Variants in TCF7L2 observed in about 807,000 individuals in gnomAD.
TCF7L2 encodes transcription factor 7-like 2.
TCF7L2 carries 23 observed loss-of-function variants against 77.9 expected under a neutral mutation model. That is an observed-to-expected ratio of 0.30 (90% confidence interval 0.21 to 0.42). TCF7L2 has a LOEUF of 0.42. TCF7L2 is among the 10% of genes least tolerant of loss of function. The probability of loss-of-function intolerance (pLI) is 1.00; values close to 1 mark genes in which losing one functional copy is unlikely to be tolerated. For missense variants in TCF7L2, 654 were observed against 793.1 expected, an observed-to-expected ratio of 0.82 and a Z score of 2.11; for synonymous variants, 413 against 340.2, an observed-to-expected ratio of 1.21 and a Z score of -2.36.
chr10:113,103,362 T>TTTTTG (rs534209551), intron 5 of TCF7L2, among the ~76,000 whole-genome samples: 167 of 152,340 alleles, frequency 1.1e-3, no homozygotes, highest in Admixed American at 3.1e-3. Context: ...GCAACATAGA[T>TTTTTG]TTTTGTTTTG....
Position 113,106,334 on chromosome 10 carries a change from T to A in TCF7L2, c.553-34850T>A, listed in dbSNP as rs546954912. On this transcript the variant is annotated intron_variant, in intron 5 of 13. Transcript: ENST00000627217. ...AGAAGACTGCTGTAAGATCAAGCAA[T>A]CGTGTGTAGCCAGACAGTGGGAGAA... Among the ~76,000 whole-genome samples the A allele has an allele frequency of 5.3e-4, 81 of 152,302 alleles. 1 individual carries two copies. In the Middle Eastern group the frequency reaches 0.01, roughly 19 times the overall value.
At chr10:113,110,957 T>A (rs952722953) in intron 5 of TCF7L2, among the ~76,000 whole-genome samples, 22 of 152,088 alleles carry the variant, frequency 1.4e-4, no homozygotes, top group African/African-American at 4.8e-4. Context: ...ATTCCCCAAG[T>A]CTGTAATGTT....
intron 5 of TCF7L2, among the ~76,000 whole-genome samples, chr10:113,054,693 A>G (rs116308701): frequency 0.012 from 1,835 of 152,292 alleles, 36 homozygotes; most frequent in African/African-American, 0.042. Context: ...CTTCCCTCCC[A>G]GGCTGTTATT....
intron 3 of TCF7L2, among the ~76,000 whole-genome samples, chr10:112,959,084 A>G (rs1439682882): frequency 2.6e-5 from 4 of 152,120 alleles, no homozygotes; most frequent in Admixed American, 6.5e-5. Flanking sequence ...AGCTTTAATT[A>G]TGTTTTGACG....
chr10:113,143,913 C>T lies in TCF7L2; in HGVS notation c.686-10C>T, dbSNP rs2136928084. Reference sequence around the variant, plus strand: ...CTCCTTTGTACCTAAAATGCTGCTTCTTCCCTCAGGAATCCCACGGCCTCC... The same window carrying T: ...CTCCTTTGTACCTAAAATGCTGCTTTTTCCCTCAGGAATCCCACGGCCTCC... On this transcript the variant is annotated splice_polypyrimidine_tract_variant and intron_variant, in intron 6 of 13. Coordinates refer to ENST00000627217, the MANE Select transcript of TCF7L2 (RefSeq NM_001146274.2). The T allele has an allele frequency of 6.2e-7, 1 of 1,610,528 alleles. No homozygotes were observed.
At chr10:112,958,870 T>C (rs1380948072) in intron 3 of TCF7L2, among the ~76,000 whole-genome samples, 1 of 152,176 alleles carries the variant, frequency 6.6e-6, no homozygotes, top group African/African-American at 2.4e-5. Context: ...TAATTCGTTA[T>C]GAGTTGCAGC....
intron 5 of TCF7L2, among the ~76,000 whole-genome samples, chr10:113,053,718 A>T (rs772862575): frequency 1.3e-5 from 2 of 152,248 alleles, no homozygotes; most frequent in African/African-American, 2.4e-5. Flanking sequence ...GTACACGATC[A>T]TGGTAATACT....
chr10:112,962,539 G>A (rs555293718), intron 3 of TCF7L2, among the ~76,000 whole-genome samples: 41 of 152,284 alleles, frequency 2.7e-4, no homozygotes, highest in African/African-American at 9.6e-4. Context: ...ACACAAAGGA[G>A]ATAGGGACAA....
chr10:112,951,209 G>T lies in TCF7L2; in HGVS notation c.192G>T (p.Ala64=). The T allele has an allele frequency of 6.3e-7, 1 of 1,584,676 alleles. No individual in the cohort carries two copies. Among genetic ancestry groups the T allele is most frequent in the Non-Finnish European group, 8.6e-7 (1 of 1,168,420 alleles). Residue 64 remains alanine, a splice_region_variant and synonymous_variant, in exon 2 of 14, where the codon GCG becomes GCT. Coordinates refer to ENST00000627217, the MANE Select transcript of TCF7L2 (RefSeq NM_001146274.2). The stretch of plus-strand genomic sequence containing the variant: ...CCCACCTCCACCCCTCTGGGAAGGC[G>T]GAAAGACGGCCTCCGCCTCGCTCCG...
intron 4 of TCF7L2, among the ~76,000 whole-genome samples, chr10:112,989,018 G>C (rs926563819): frequency 1.2e-4 from 19 of 152,110 alleles, no homozygotes; most frequent in Non-Finnish European, 1.6e-4. Context: ...CTGAGGCTCG[G>C]GTCCTGTCAT....
intron 3 of TCF7L2, among the ~76,000 whole-genome samples, chr10:112,964,065 G>C (rs1342611915): frequency 6.6e-6 from 1 of 152,178 alleles, no homozygotes; most frequent in Non-Finnish European, 1.5e-5. Flanking sequence ...AATTGCATTG[G>C]AGAGTTGGGG....
chr10:113,157,857 TTTGGC>T, intron 11 of TCF7L2, 159 bp from the exon 12 acceptor site: 1 of 655,984 alleles, frequency 1.5e-6, no homozygotes, highest in African/African-American at 1.8e-5. Context: ...TGCAAGGGCA[TTTGGC>T]TTGAAGCGGG....
intron 5 of TCF7L2, among the ~76,000 whole-genome samples, chr10:113,073,123 T>A (rs143233474): frequency 7.0e-6 from 1 of 142,264 alleles, no homozygotes; most frequent in African/African-American, 2.6e-5. Flanking sequence ...TGTGTGTGTG[T>A]GTGTGTGAGA....
At chr10:113,019,335 C>T (rs1302769866) in intron 4 of TCF7L2, among the ~76,000 whole-genome samples, 1 of 152,106 alleles carries the variant, frequency 6.6e-6, no homozygotes, top group East Asian at 1.9e-4. Flanking sequence ...AAGGCAGTGA[C>T]ACCAAACTAG....
At chr10:113,135,542 T>G (rs1420531212) in intron 5 of TCF7L2, among the ~76,000 whole-genome samples, 1 of 152,182 alleles carries the variant, frequency 6.6e-6, no homozygotes, top group East Asian at 1.9e-4. Context: ...TAAATAGATA[T>G]TGTTTACTTC....
chr10:112,957,109 C>G (rs2033825706), intron 3 of TCF7L2, among the ~76,000 whole-genome samples: 1 of 151,148 alleles, frequency 6.6e-6, no homozygotes, highest in Non-Finnish European at 1.5e-5. Flanking sequence ...CAAAGTTGCT[C>G]TAGGTGTTTG....
At chr10:112,987,611 T>C in intron 4 of TCF7L2, 1 of 152,014 alleles carries the variant, frequency 6.6e-6, no homozygotes, top group Non-Finnish European at 1.5e-5. Flanking sequence ...GAAGCATGGG[T>C]GCATTGACGA....
At chr10:113,110,308 A>G (rs2062953667) in intron 5 of TCF7L2, among the ~76,000 whole-genome samples, 1 of 151,596 alleles carries the variant, frequency 6.6e-6, no homozygotes, top group Admixed American at 6.6e-5. Context: ...AATTGTAGAA[A>G]CTGTTTAAAG....
intron 5 of TCF7L2, among the ~76,000 whole-genome samples, chr10:113,124,201 A>AT (rs34308147): frequency 1.5e-5 from 2 of 134,112 alleles, no homozygotes; most frequent in Non-Finnish European, 3.1e-5. Flanking sequence ...CTTAAAAAAA[A>AT]TTTTTTTTAT....
Sources: gnomAD v4.1 joint callset for allele counts (sites outside exome capture counted in the v4.1 genomes callset) on GRCh38, gnomAD v4.1.1 for gene constraint, MANE v1.5 for transcripts, NCBI Gene and HGNC (gene_info 2026-07-23, HGNC 2026-07-21) for gene names.